PGAP6: variants seen among roughly 807,000 people sequenced by gnomAD.
PGAP6 encodes post-GPI attachment to proteins factor 6.
A neutral mutation model predicts 68.4 loss-of-function variants in PGAP6; 62 were observed. The observed-to-expected ratio is 0.91, with a 90% CI of 0.74 to 1.12. The LOEUF is 1.12. PGAP6 is among the 50% of genes most tolerant of loss of function. The pLI is 0.00. For synonymous variants in PGAP6, 575 were observed against 474.0 expected (o/e 1.21, Z -2.77); for missense variants, 1,188 against 1,068.5 (o/e 1.11, Z -1.56).
chr16:374,233 C>T lies in PGAP6; in HGVS notation c.1743G>A (p.Met581Ile). ...GGGGCCAGCCTACCGTGGAGAAGAA[C>T]ATGGTGTAGGCGTAGACGGAGGCCT... ...LVEASVYAYT[M>I]FFSTFYHACD... The change falls in exon 10 of 13, where the codon ATG (methionine) becomes ATA (isoleucine). Residue 581 changes from methionine (M) to isoleucine (I), a missense_variant. Met to Ile is a conservative substitution (Grantham distance 10). Coordinates refer to ENST00000431232, the MANE Select transcript of PGAP6 (RefSeq NM_021259.3). 1 of 1,609,706 alleles carries T rather than the reference C, an allele frequency of 6.2e-7. No homozygotes were observed. Among genetic ancestry groups the T allele is most frequent in the African/African-American group, 1.3e-5 (1 of 75,032 alleles).
Position 376,623 on chromosome 16 carries a change from GT to G in PGAP6, c.824del (p.Asp275AlafsTer6), listed in dbSNP as rs760294240. 5 of 1,600,866 alleles carry G rather than the reference GT, an allele frequency of 3.1e-6. No homozygotes were observed. In the South Asian group the frequency reaches 5.6e-5, roughly 18 times the overall value. ...TCTCAGCTGTCACTTGCAGCCACCG[GT>G]CCCAGGGCGGTGAGGGCAGCAGCAG... is the stretch of plus-strand genomic sequence containing the variant. ...CRLLLPSPPW[D>X]RWLQVTAESL... On this transcript the variant is annotated frameshift_variant, in exon 5 of 13. Coordinates refer to ENST00000431232, the MANE Select transcript of PGAP6 (RefSeq NM_021259.3). LOFTEE classifies it high-confidence loss of function.
At chr16:378,308 CCACCCGCACTGCCATCG>C (rs2054407648) in intron 1 of PGAP6, among the ~76,000 whole-genome samples, 1 of 147,510 alleles carries the variant, frequency 6.8e-6, no homozygotes, top group Non-Finnish European at 1.5e-5. Context: ...ACTGCCATCG[CCACCCGCACTGCCATCG>C]CCACCCGCAC....
chr16:385,893 G>A (rs2054481637), upstream of PGAP6, among the ~76,000 whole-genome samples: 1 of 151,996 alleles, frequency 6.6e-6, no homozygotes, highest in South Asian at 2.1e-4. Context: ...CAAAGTGCTG[G>A]GATTACAGGC....
At position 378,207 on chromosome 16, in the gene PGAP6, G is replaced by GACTGCCATCCCCACCCAC. The variant is rs1567325677; in HGVS notation, c.122-360_122-359insGTGGGTGGGGATGGCAGT. On this transcript the variant is annotated intron_variant, in intron 1 of 12. Transcript: ENST00000431232. ...CCACCCGCACTGCCATCGCCACCCT[G>GACTGCCATCCCCACCCAC]ACTGCCATCGCCACCCTGACTGCCA... Among the ~76,000 whole-genome samples the GACTGCCATCCCCACCCAC allele has an allele frequency of 1.1e-3, 58 of 53,976 alleles. 3 individuals are homozygous for GACTGCCATCCCCACCCAC. The highest frequency in any genetic ancestry group is 3.8e-3 in the African/African-American group (55 of 14,514). The allele number at this position is 53,976 out of a possible 152,430, so 35.4% of individuals were successfully genotyped here.
chr16:372,673 TGCGGTCCA>T lies in PGAP6; in HGVS notation c.1949_1956del (p.Leu650GlnfsTer63). ...GGCCCCAGCATGTTCCACATGCCCC[TGCGGTCCA>T]GCTGCAAGGACATGGCGATGACCAG... is the stretch of plus-strand genomic sequence containing the variant. On this transcript the variant is annotated frameshift_variant, in exon 12 of 13. Transcript: ENST00000431232. LOFTEE classifies it high-confidence loss of function. 6.2e-7 allele frequency: 1 copy of T among 1,612,506 alleles called. No individual in the cohort carries two copies. The highest frequency in any genetic ancestry group is 1.1e-5 in the South Asian group (1 of 91,082).
rs933571076 is a variant in PGAP6, at chr16:371,567, CG to C, written c.*419del. On this transcript the variant is annotated 3_prime_UTR_variant, in exon 13 of 13. Coordinates refer to ENST00000431232, the MANE Select transcript of PGAP6 (RefSeq NM_021259.3). ...CAGGGGTCTCGGAGTCCACAGCTCC[CG>C]GCCCCAGTGGTGGGCTCAGGGCTCC... 3 of 193,074 alleles carry C rather than the reference CG, an allele frequency of 1.6e-5. No homozygotes were observed. Among genetic ancestry groups the C allele is most frequent in the African/African-American group, 7.1e-5 (3 of 42,042 alleles). 12.0% of individuals were successfully genotyped at this position (193,074 alleles called of 1,614,324 possible). A position where few individuals can be genotyped will look rare whatever the true frequency, so the allele number is the denominator to read the frequency against.
intron 12 of PGAP6, 74 bp downstream of exon 12, chr16:372,537 C>T (rs764077889): frequency 3.3e-5 from 41 of 1,244,514 alleles, no homozygotes; most frequent in Non-Finnish European, 4.0e-5. Flanking sequence ...GGACCAGGAA[C>T]GTGGCTAGAG....
At chr16:386,915 A>G, upstream of PGAP6, 1 of 602,760 alleles carries the variant, frequency 1.7e-6, no homozygotes, top group Non-Finnish European at 3.2e-6. Context: ...GGCCCAAGAC[A>G]CTGCGACGCC....
chr16:377,251 G>A (rs984858913), intron 3 of PGAP6, 87 bp from the exon 4 acceptor site: 2 of 1,599,178 alleles, frequency 1.3e-6, no homozygotes, highest in East Asian at 4.5e-5. Flanking sequence ...CGGCATGCAG[G>A]GAGCAGGGCT....
rs1244869971 is a variant in PGAP6, at chr16:375,213, G to T, written c.1359C>A (p.Arg453=). 1 of 1,613,242 alleles carries T rather than the reference G, an allele frequency of 6.2e-7. No homozygotes were observed. The highest frequency in any genetic ancestry group is 8.5e-7 in the Non-Finnish European group (1 of 1,179,992). ...GGTAGGGGATGATGAGGTTGGCCCT[G>T]CGAGACCAGGCGCTCAGAGACAAAG... ...GYPLSLSAWS[R]RANLIIPYPE... The change falls in exon 8 of 13, where the codon CGC becomes CGA. Residue 453 remains arginine, a synonymous_variant. Transcript: ENST00000431232.
chr16:377,218 G>A (rs1394019919), intron 3 of PGAP6, 54 bp from the exon 4 acceptor site: 2 of 1,609,922 alleles, frequency 1.2e-6, no homozygotes, highest in African/African-American at 2.7e-5. Context: ...CAGGTGTGAG[G>A]GCATGGTCTC....
In PGAP6 at chr16:377,115, G is replaced by A. The variant is rs202229020; in HGVS notation, c.557C>T (p.Thr186Met). ...AYVFQPELLV[T>M]RVVEISIMEP... The stretch of plus-strand genomic sequence containing the variant: ...CATGATGGAAATCTCGACCACCCGC[G>A]TGACCAGCAGTTCAGGCTGGAAGAC... Residue 186 changes from threonine (T) to methionine (M), a missense_variant, in exon 4 of 13, where the codon ACG (threonine) becomes ATG (methionine). Coordinates refer to ENST00000431232, the MANE Select transcript of PGAP6 (RefSeq NM_021259.3). 3.9e-5 allele frequency: 63 copies of A among 1,613,548 alleles called. No individual in the cohort carries two copies. The highest frequency in any genetic ancestry group is 1.1e-4 in the East Asian group (5 of 44,898).
Position 375,415 on chromosome 16 carries a change from G to C in PGAP6, c.1245C>G (p.Thr415=), listed in dbSNP as rs749451132. The C allele has an allele frequency of 3.1e-6, 5 of 1,612,576 alleles. No individual in the cohort carries two copies. In the Admixed American group the frequency reaches 8.3e-5, roughly 27 times the overall value. ...RANKTEMRNE[T]VVVACVNAAS... is the part of the protein sequence containing the mutation. ...CAGCATTCACGCAGGCCACTACGACGGTCTCGTTCCGCATCTCTGTCTGGA... is the reference window on the plus strand; with the variant it reads ...CAGCATTCACGCAGGCCACTACGACCGTCTCGTTCCGCATCTCTGTCTGGA... Residue 415 remains threonine (T), a synonymous_variant, in exon 7 of 13, where the codon ACC becomes ACG. Transcript: ENST00000431232.
upstream of PGAP6, among the ~76,000 whole-genome samples, chr16:385,693 T>A (rs1479360307): frequency 2.2e-5 from 3 of 133,810 alleles, no homozygotes; most frequent in Admixed American, 2.3e-4. Flanking sequence ...GGCGCGATCC[T>A]GGCTCACTGC....
intron 11 of PGAP6, among the ~76,000 whole-genome samples, chr16:373,112 C>A (rs866550619): frequency 6.6e-6 from 1 of 152,292 alleles, no homozygotes; most frequent in South Asian, 2.1e-4. Flanking sequence ...GGGCTCCCAC[C>A]CCCCAGTCTC....
intron 1 of PGAP6, among the ~76,000 whole-genome samples, chr16:379,762 C>G (rs1406261763): frequency 1.3e-5 from 2 of 152,072 alleles, no homozygotes; most frequent in Non-Finnish European, 2.9e-5. Flanking sequence ...TCCCCGACTC[C>G]CAGGGCTCAC....
At position 376,691 on chromosome 16, in the gene PGAP6, G is replaced by C. The variant is rs149236992; in HGVS notation, c.757C>G (p.Gln253Glu). 2.0e-5 allele frequency: 32 copies of C among 1,611,624 alleles called. No individual in the cohort carries two copies. The South Asian group carries it at 3.3e-4, about 17-fold the overall frequency. Residue 253 changes from glutamine to glutamate, a missense_variant, in exon 5 of 13, where the codon CAG (glutamine) becomes GAG (glutamate). Coordinates refer to ENST00000431232, the MANE Select transcript of PGAP6 (RefSeq NM_021259.3). ...GCACCGGTGCAGGTGAGCACCTTCT[G>C]GAAGTTGCTAGGCAGGGTGACCGGG... The part of the protein sequence containing the change: ...VGPVTLPSNF[Q>E]KVLTCTGAPW...
chr16:374,140 G>A lies in PGAP6; in HGVS notation c.1767C>T (p.Ala589=), dbSNP rs951496065. ...YTMFFSTFYH[A]CDQPGEAVLC... ...GCACCGCCTCCCCGGGCTGGTCGCA[G>A]GCGTGGTAGAACTGTGGGGAGGCTC... The change falls in exon 11 of 13, where the codon GCC becomes GCT. Residue 589 remains alanine (A), a synonymous_variant. Transcript: ENST00000431232. 6.2e-7 allele frequency: 1 copy of A among 1,610,992 alleles called. No homozygotes were observed. Among genetic ancestry groups the A allele is most frequent in the Non-Finnish European group, 8.5e-7 (1 of 1,179,930 alleles).
chr16:379,635 C>T (rs1406427428), intron 1 of PGAP6, among the ~76,000 whole-genome samples: 1 of 152,206 alleles, frequency 6.6e-6, no homozygotes, highest in African/African-American at 2.4e-5. Context: ...GCAAAGCCCT[C>T]AGCCCCTCTG....
Sources: gnomAD v4.1 joint callset for allele counts (sites outside exome capture counted in the v4.1 genomes callset) on GRCh38, gnomAD v4.1.1 for gene constraint, MANE v1.5 for transcripts, NCBI Gene and HGNC (gene_info 2026-07-23, HGNC 2026-07-21) for gene names.